The following KLHL32 variants were observed in gnomAD, a reference collection of about 807,000 sequenced individuals.
KLHL32 encodes the protein kelch like family member 32.
A neutral mutation model predicts 64.8 loss-of-function variants in KLHL32; 35 were observed. The observed-to-expected ratio is 0.54, with a 90% CI of 0.41 to 0.72. The LOEUF is 0.72. Among genes scored for constraint, KLHL32 ranks in the 30% least tolerant of loss-of-function variants. KLHL32 has a pLI of 0.00. For synonymous variants in KLHL32, 259 were observed against 281.0 expected (o/e 0.92, Z 0.78); for missense variants, 589 against 768.5 (o/e 0.77, Z 2.76).
At chr6:96,985,159 G>A (rs1776857065) in intron 3 of KLHL32, among the ~76,000 whole-genome samples, 2 of 152,110 alleles carry the variant, frequency 1.3e-5, no homozygotes, top group Non-Finnish European at 2.9e-5. Context: ...ATGAAATTCT[G>A]GGTTGAAAAT....
chr6:97,058,801 C>T (rs1266349268), intron 4 of KLHL32, among the ~76,000 whole-genome samples: 1 of 152,078 alleles, frequency 6.6e-6, no homozygotes, highest in Non-Finnish European at 1.5e-5. Flanking sequence ...CTGAGATTTG[C>T]CAAGCAGGAA....
intron 1 of KLHL32, among the ~76,000 whole-genome samples, chr6:96,929,990 G>A (rs1769651515): frequency 6.6e-6 from 1 of 152,128 alleles, no homozygotes; most frequent in Non-Finnish European, 1.5e-5. Flanking sequence ...TTTCCTACAT[G>A]TTTATTTGAG....
At chr6:97,065,984 G>GA (rs750240981) in intron 5 of KLHL32, among the ~76,000 whole-genome samples, 1 of 123,384 alleles carries the variant, frequency 8.1e-6, no homozygotes, top group African/African-American at 2.5e-5. Flanking sequence ...AATGGTTAAT[G>GA]ATTTTTTTTT....
intron 3 of KLHL32, among the ~76,000 whole-genome samples, chr6:97,011,841 G>A (rs1780446855): frequency 6.6e-6 from 1 of 152,084 alleles, no homozygotes; most frequent in African/African-American, 2.4e-5. Flanking sequence ...ACCTAAACAT[G>A]GAAAGGAAGG....
chr6:96,994,123 AAT>A (rs1437646016), intron 3 of KLHL32, among the ~76,000 whole-genome samples: 1 of 152,200 alleles, frequency 6.6e-6, no homozygotes, highest in Non-Finnish European at 1.5e-5. Context: ...TCTCATTCAC[AAT>A]ATATGCCAAA....
intron 6 of KLHL32, among the ~76,000 whole-genome samples, chr6:97,088,172 G>A (rs1793708950): frequency 6.6e-6 from 1 of 152,068 alleles, no homozygotes; most frequent in Non-Finnish European, 1.5e-5. Context: ...TACCTTAGAT[G>A]GATAAGGACA....
At chr6:97,103,435 G>A (rs1013078048) in intron 6 of KLHL32, among the ~76,000 whole-genome samples, 6 of 152,022 alleles carry the variant, frequency 3.9e-5, no homozygotes, top group African/African-American at 4.8e-5. Flanking sequence ...GGATGGTCTC[G>A]ATCTCCTGAC....
intron 3 of KLHL32, among the ~76,000 whole-genome samples, chr6:96,988,255 A>G (rs1030279845): frequency 2.6e-5 from 4 of 152,368 alleles, no homozygotes; most frequent in African/African-American, 7.2e-5. Context: ...ACAAATCTAC[A>G]AGAAAAAAAC....
chr6:96,949,153 A>G (rs1323590327), intron 1 of KLHL32, among the ~76,000 whole-genome samples: 5 of 152,198 alleles, frequency 3.3e-5, no homozygotes, highest in African/African-American at 9.7e-5. Flanking sequence ...TCTTCTTAGA[A>G]TGTAAGTTCT....
At chr6:97,011,878 CTTTA>C (rs1248932428) in intron 3 of KLHL32, among the ~76,000 whole-genome samples, 1 of 152,116 alleles carries the variant, frequency 6.6e-6, no homozygotes, top group African/African-American at 2.4e-5. Flanking sequence ...AAAAATCTTT[CTTTA>C]TTTGTTTGCT....
At chr6:96,957,193 A>G (rs1213099639) in intron 1 of KLHL32, among the ~76,000 whole-genome samples, 1 of 152,210 alleles carries the variant, frequency 6.6e-6, no homozygotes, top group African/African-American at 2.4e-5. Context: ...TGAACAGTCT[A>G]TATATTAAAA....
At position 96,927,008 on chromosome 6, in the gene KLHL32, T is replaced by G. The variant is rs1259814509; in HGVS notation, c.-66+1982T>G. ...TACATCCATCATTGTGAGTGATCAG[T>G]TTTTTATTTCAATATTAAAGTCTAA... On this transcript the variant is annotated intron_variant, in intron 1 of 10. Coordinates refer to ENST00000369261, the MANE Select transcript of KLHL32 (RefSeq NM_052904.4). Among the ~76,000 whole-genome samples, 7 of 152,262 alleles carry G rather than the reference T, an allele frequency of 4.6e-5. No individual in the cohort carries two copies. In the East Asian group the frequency reaches 1.3e-3, roughly 29 times the overall value.
intron 4 of KLHL32, among the ~76,000 whole-genome samples, chr6:97,043,429 T>G (rs1321394868): frequency 1.3e-5 from 2 of 148,348 alleles, no homozygotes; most frequent in African/African-American, 5.1e-5. Context: ...TAGCAGTATG[T>G]TGTGTATACA....
At chr6:97,135,566 G>A (rs553650388) in intron 10 of KLHL32, among the ~76,000 whole-genome samples, 151 of 152,112 alleles carry the variant, frequency 9.9e-4, no homozygotes, top group Middle Eastern at 3.4e-3. Context: ...CCAAAGTGCT[G>A]GGATTACAGG....
intron 4 of KLHL32, 93 bp from the exon 5 acceptor site, chr6:97,064,535 C>A: frequency 1.2e-6 from 1 of 827,264 alleles, no homozygotes. Context: ...CGTAAAGCAG[C>A]AATTTAAATA....
the KLHL32 span, among the ~76,000 whole-genome samples, chr6:96,919,045 C>T: frequency 2.0e-5 from 3 of 152,154 alleles, no homozygotes; most frequent in Non-Finnish European, 4.4e-5. Flanking sequence ...TCTCTTCTCC[C>T]TGTCTCAGCA....
At chr6:97,115,346 C>T (rs1206146) in intron 7 of KLHL32, among the ~76,000 whole-genome samples, 86,796 of 152,108 alleles carry the variant, frequency 0.57, 26,430 homozygotes, top group African/African-American at 0.79. Flanking sequence ...TTTAATTATC[C>T]GTGAATGGTA....
chr6:96,941,362 A>G (rs1771262762), intron 1 of KLHL32, among the ~76,000 whole-genome samples: 1 of 152,182 alleles, frequency 6.6e-6, no homozygotes, highest in South Asian at 2.1e-4. Context: ...GGTGAAACAA[A>G]CATGCATTTT....
intron 1 of KLHL32, among the ~76,000 whole-genome samples, chr6:96,948,166 C>G (rs73492888): frequency 0.023 from 3,451 of 152,236 alleles, 86 homozygotes; most frequent in African/African-American, 0.064. Context: ...TCTAGCTATT[C>G]CGTGTTACTA....
Sources: gnomAD v4.1 joint callset for allele counts (sites outside exome capture counted in the v4.1 genomes callset) on GRCh38, gnomAD v4.1.1 for gene constraint, MANE v1.5 for transcripts, NCBI Gene and HGNC (gene_info 2026-07-23, HGNC 2026-07-21) for gene names.